The following SEC22A variants were observed in gnomAD, a reference collection of about 807,000 sequenced individuals.
SEC22A encodes SEC22 homolog A, vesicle trafficking protein.
SEC22A carries 22 observed loss-of-function variants against 35.3 expected under a neutral mutation model. The observed-to-expected ratio is 0.62, with a 90% CI of 0.45 to 0.89. The LOEUF (loss-of-function observed/expected upper bound fraction) is 0.89. SEC22A is among the 40% of genes least tolerant of loss of function. The probability of loss-of-function intolerance (pLI) is 0.00; values close to 1 mark genes in which losing one functional copy is unlikely to be tolerated. For missense variants in SEC22A, 354 were observed against 362.5 expected, an observed-to-expected ratio of 0.98 and a Z score of 0.19; for synonymous variants, 119 against 129.5, an observed-to-expected ratio of 0.92 and a Z score of 0.55.
intron 5 of SEC22A, among the ~76,000 whole-genome samples, chr3:123,248,646 A>G (rs62262608): frequency 0.2 from 29,921 of 152,146 alleles, 3,053 homozygotes; most frequent in Middle Eastern, 0.27. Context: ...TTGTTTAGGT[A>G]TCATTTCTTC....
chr3:123,247,551 G>A (rs372787541), intron 5 of SEC22A, among the ~76,000 whole-genome samples: 2 of 152,304 alleles, frequency 1.3e-5, no homozygotes, highest in African/African-American at 4.8e-5. Context: ...ACTAAGGAAA[G>A]TAGTATAAAT....
chr3:123,268,170 A>C (rs537287766), intron 6 of SEC22A, among the ~76,000 whole-genome samples: 14 of 152,296 alleles, frequency 9.2e-5, no homozygotes, highest in African/African-American at 3.1e-4. Flanking sequence ...TGGGTGGGTC[A>C]CAGGGGTTTT....
At position 123,269,179 on chromosome 3, in the gene SEC22A, A is replaced by ATGTGTGTGTGTGTG. The variant is rs200267944; in HGVS notation, c.724-2319_724-2306dup. On this transcript the variant is annotated intron_variant, in intron 6 of 6. Transcript: ENST00000492595. ...CCTTGGAAAACCTTGAATTAAATAT[A>ATGTGTGTGTGTGTG]TGTGTGTGTGTGTGTGTGTGTGTGT... Among the ~76,000 whole-genome samples, 65 of 120,738 alleles carry ATGTGTGTGTGTGTG rather than the reference A, an allele frequency of 5.4e-4. No individual in the cohort carries two copies. In the Middle Eastern group the frequency reaches 0.012, roughly 23 times the overall value. The allele number at this position is 120,738 out of a possible 152,430, so 79.2% of individuals were successfully genotyped here.
chr3:123,232,976 T>A (rs1011818006), intron 4 of SEC22A, among the ~76,000 whole-genome samples: 2 of 151,958 alleles, frequency 1.3e-5, no homozygotes, highest in African/African-American at 2.4e-5. Context: ...CTACAAAAAA[T>A]TTTTAAAAAT....
chr3:123,271,403 TA>T (rs2108115723), intron 6 of SEC22A, 118 bp from the exon 7 acceptor site: 2 of 749,088 alleles, frequency 2.7e-6, no homozygotes, highest in African/African-American at 1.8e-5. Flanking sequence ...TATCCCTAGA[TA>T]AAAAATAACC....
intron 4 of SEC22A, among the ~76,000 whole-genome samples, chr3:123,243,537 C>G (rs1314616075): frequency 1.3e-5 from 2 of 152,180 alleles, no homozygotes; most frequent in African/African-American, 4.8e-5. Context: ...TTCTAGACCA[C>G]CCTCCCCCTA....
intron 1 of SEC22A, among the ~76,000 whole-genome samples, chr3:123,206,996 G>A (rs1936865020): frequency 6.6e-6 from 1 of 152,310 alleles, no homozygotes; most frequent in East Asian, 1.9e-4. Context: ...GCTGAGGCAT[G>A]AGAATTGCTT....
chr3:123,220,797 C>A (rs1173659725), intron 2 of SEC22A, among the ~76,000 whole-genome samples: 1 of 149,056 alleles, frequency 6.7e-6, no homozygotes, highest in African/African-American at 2.5e-5. Flanking sequence ...ATATCCCATA[C>A]CACTAGTAAT....
At chr3:123,208,796 GT>G (rs1257163460) in intron 1 of SEC22A, 37 of 177,624 alleles carry the variant, frequency 2.1e-4, no homozygotes, top group South Asian at 4.6e-4. Context: ...TTAGTTTTTT[GT>G]TTTTTTTTTC....
intron 2 of SEC22A, among the ~76,000 whole-genome samples, chr3:123,213,022 G>A (rs1936964610): frequency 6.6e-6 from 1 of 152,150 alleles, no homozygotes; most frequent in South Asian, 2.1e-4. Context: ...TGAGAGTTTA[G>A]GAGTGGGATA....
At chr3:123,246,121 CAA>C (rs1449208252) in intron 5 of SEC22A, 107 bp downstream of exon 5, 2 of 626,482 alleles carry the variant, frequency 3.2e-6, no homozygotes, top group Admixed American at 5.8e-5. Flanking sequence ...AGTGCATACT[CAA>C]AATCTATGTT....
intron 4 of SEC22A, among the ~76,000 whole-genome samples, chr3:123,225,615 T>A (rs560587035): frequency 6.6e-6 from 1 of 152,340 alleles, no homozygotes; most frequent in South Asian, 2.1e-4. Context: ...GATATTTTGA[T>A]ACAGGTATGC....
At chr3:123,248,759 T>C (rs1375684744) in intron 5 of SEC22A, among the ~76,000 whole-genome samples, 2 of 152,236 alleles carry the variant, frequency 1.3e-5, no homozygotes, top group African/African-American at 2.4e-5. Flanking sequence ...CAAGGATGCG[T>C]TGTATAGGGA....
chr3:123,254,968 G>C (rs1937689199), intron 5 of SEC22A, among the ~76,000 whole-genome samples: 3 of 148,030 alleles, frequency 2.0e-5, no homozygotes, highest in Admixed American at 6.9e-5. Flanking sequence ...CCACCTATGA[G>C]TCTTAGTCTA....
intron 6 of SEC22A, among the ~76,000 whole-genome samples, chr3:123,267,967 G>A (rs889505296): frequency 1.3e-5 from 2 of 152,128 alleles, no homozygotes; most frequent in Non-Finnish European, 2.9e-5. Context: ...TCTTGTTACT[G>A]TCAAGTGAAA....
chr3:123,254,317 G>T (rs112617491), intron 5 of SEC22A, among the ~76,000 whole-genome samples: 1 of 151,994 alleles, frequency 6.6e-6, no homozygotes, highest in African/African-American at 2.4e-5. Context: ...CACTGCCCCT[G>T]ACCCATCCTC....
chr3:123,206,141 C>G (rs1053908043), intron 1 of SEC22A, among the ~76,000 whole-genome samples: 1 of 152,180 alleles, frequency 6.6e-6, no homozygotes, highest in Non-Finnish European at 1.5e-5. Flanking sequence ...CAGGATCTCT[C>G]TCATCACCCA....
intron 4 of SEC22A, among the ~76,000 whole-genome samples, chr3:123,225,906 T>A (rs1156899663): frequency 6.6e-6 from 1 of 151,510 alleles, no homozygotes; most frequent in African/African-American, 2.4e-5. Context: ...TGAGTTCAGT[T>A]GTTTTAAACT....
At chr3:123,264,778 A>G (rs1365574982) in intron 6 of SEC22A, among the ~76,000 whole-genome samples, 1 of 151,804 alleles carries the variant, frequency 6.6e-6, no homozygotes, top group Non-Finnish European at 1.5e-5. Context: ...ACAGGTACCC[A>G]CCATCATGCC....
Sources: gnomAD v4.1 joint callset for allele counts (sites outside exome capture counted in the v4.1 genomes callset) on GRCh38, gnomAD v4.1.1 for gene constraint, MANE v1.5 for transcripts, NCBI Gene and HGNC (gene_info 2026-07-23, HGNC 2026-07-21) for gene names.